Variants in USP50 observed in about 807,000 individuals in gnomAD.
USP50 encodes ubiquitin specific peptidase 50, also known as ubiquitin carboxyl-terminal hydrolase 50.
USP50 carries 37 observed loss-of-function variants against 39.2 expected under a neutral mutation model. The ratio of observed to expected loss-of-function variants is 0.94; its 90% CI spans 0.73 to 1.24. The LOEUF (loss-of-function observed/expected upper bound fraction) is 1.24. Among genes scored for constraint, USP50 ranks in the 50% most tolerant of loss-of-function variants. The pLI is 0.00. For missense variants in USP50, 374 were observed against 398.2 expected, an observed-to-expected ratio of 0.94 and a Z score of 0.52; for synonymous variants, 139 against 144.5, an observed-to-expected ratio of 0.96 and a Z score of 0.27.
At chr15:50,516,007 A>T (rs1490312723) in intron 6 of USP50, among the ~76,000 whole-genome samples, 1 of 152,228 alleles carries the variant, frequency 6.6e-6, no homozygotes, top group African/African-American at 2.4e-5. Context: ...TGACATCAAA[A>T]TCATAAAATG....
At chr15:50,513,390 T>C (rs770128177) in intron 6 of USP50, 1 of 151,924 alleles carries the variant, frequency 6.6e-6, no homozygotes, top group Admixed American at 6.6e-5. Flanking sequence ...AATATGGATA[T>C]ATCTTTAAAA....
intron 1 of USP50, among the ~76,000 whole-genome samples, chr15:50,495,490 G>T (rs1362165096): frequency 6.7e-6 from 1 of 149,188 alleles, no homozygotes; most frequent in East Asian, 2.0e-4. Context: ...GATTGGAGGG[G>T]GGGGTCTCAC....
chr15:50,540,491 C>T (rs918241195), intron 4 of USP50, among the ~76,000 whole-genome samples: 3 of 152,112 alleles, frequency 2.0e-5, no homozygotes, highest in Non-Finnish European at 4.4e-5. Flanking sequence ...ATAAACCCCA[C>T]TATATTTCCA....
chr15:50,528,076 T>G (rs2052912743), intron 6 of USP50, among the ~76,000 whole-genome samples: 2 of 151,150 alleles, frequency 1.3e-5, no homozygotes, highest in South Asian at 2.1e-4. Flanking sequence ...TTTTTTTTTT[T>G]TTTTTTTTTT....
At chr15:50,495,968 C>G (rs1387135959), downstream of USP50, 1 of 1,613,714 alleles carries the variant, frequency 6.2e-7, no homozygotes, top group African/African-American at 1.3e-5. Flanking sequence ...TGCACTTTTT[C>G]AGGGTCAATT....
chr15:50,525,695 ATG>A (rs1334378221), intron 6 of USP50, among the ~76,000 whole-genome samples: 1 of 94,968 alleles, frequency 1.1e-5, no homozygotes, highest in South Asian at 3.3e-4. Context: ...ATATATGTAT[ATG>A]TATATATATG....
intron 1 of USP50, 91 bp from the exon 2 acceptor site, chr15:50,544,872 A>G: frequency 8.0e-7 from 1 of 1,249,528 alleles, no homozygotes; most frequent in Non-Finnish European, 1.1e-6. Flanking sequence ...TGAAATAAAG[A>G]AGAGTTCTTA....
chr15:50,521,340 C>T (rs2052849036), intron 6 of USP50, among the ~76,000 whole-genome samples: 1 of 152,106 alleles, frequency 6.6e-6, no homozygotes, highest in African/African-American at 2.4e-5. Context: ...CCATGCCCAG[C>T]CAAAATATCC....
intron 6 of USP50, among the ~76,000 whole-genome samples, chr15:50,525,075 T>C (rs887303736): frequency 6.6e-6 from 1 of 152,186 alleles, no homozygotes; most frequent in East Asian, 1.9e-4. Flanking sequence ...CATGATATAT[T>C]TGGAATACTA....
In USP50 at chr15:50,541,118, G is replaced by T; in HGVS notation, c.591C>A (p.Cys197Ter). The change falls in exon 4 of 7, where the codon TGC (cysteine) becomes TGA (stop). Residue 197 changes from cysteine to a stop codon, truncating the protein, a stop_gained. Transcript: ENST00000532404. LOFTEE classifies it high-confidence loss of function. ...CAGTGAAGACTTCGTTCTTGTAGGT[G>T]CATTTCTCACACTTTAAACATACGA... Reference protein sequence around the residue: ...YSIVCLKCEKCTYKNEVFTVF... With the variant: ...YSIVCLKCEK 1 of 1,613,858 alleles carries T rather than the reference G, an allele frequency of 6.2e-7. No homozygotes were observed. The highest frequency in any genetic ancestry group is 1.3e-5 in the African/African-American group (1 of 75,014).
At chr15:50,496,032 C>T (rs966954805), downstream of USP50, 1 of 1,613,846 alleles carries the variant, frequency 6.2e-7, no homozygotes, top group Admixed American at 1.7e-5. Flanking sequence ...ACATTTGAGG[C>T]CTTCATGTAT....
At chr15:50,520,222 T>G (rs973180672) in intron 6 of USP50, among the ~76,000 whole-genome samples, 2 of 151,778 alleles carry the variant, frequency 1.3e-5, no homozygotes, top group African/African-American at 4.8e-5. Flanking sequence ...GGTGGGAGGA[T>G]CTCTTAAGCC....
chr15:50,541,277 G>A lies in USP50; in HGVS notation c.445-13C>T, dbSNP rs935838938. The A allele has an allele frequency of 1.9e-6, 3 of 1,599,406 alleles. No homozygotes were observed. The highest frequency in any genetic ancestry group is 2.6e-6 in the Non-Finnish European group (3 of 1,168,862). On this transcript the variant is annotated splice_polypyrimidine_tract_variant and intron_variant, in intron 3 of 6. Coordinates refer to ENST00000532404, the MANE Select transcript of USP50 (RefSeq NM_203494.5). ...GGGAGTAGTGGTACTGAATCAAGGA[G>A]CAAATTTCACCCAAATTAATTATTG... is the stretch of plus-strand genomic sequence containing the variant.
intron 6 of USP50, among the ~76,000 whole-genome samples, chr15:50,525,132 G>A (rs937130251): frequency 6.6e-6 from 1 of 152,138 alleles, no homozygotes; most frequent in African/African-American, 2.4e-5. Flanking sequence ...AGCATGGGTG[G>A]AACTGGAGGA....
chr15:50,542,166 C>A (rs1253827089), intron 3 of USP50, among the ~76,000 whole-genome samples: 2 of 152,058 alleles, frequency 1.3e-5, no homozygotes, highest in Non-Finnish European at 2.9e-5. Context: ...TGGGGCACAC[C>A]CTGAATTTTC....
At chr15:50,495,917 G>T, downstream of USP50, 1 of 1,613,792 alleles carries the variant, frequency 6.2e-7, no homozygotes, top group South Asian at 1.1e-5. Flanking sequence ...TGCAGAACAT[G>T]CCTGGCAGAA....
chr15:50,503,596 C>T (rs932724283), intron 6 of USP50: 3 of 152,192 alleles, frequency 2.0e-5, no homozygotes, highest in Admixed American at 6.5e-5. Flanking sequence ...AGCTTGGACT[C>T]ATGGTACAGA....
At position 50,500,571 on chromosome 15, in the gene USP50, A is replaced by C. The variant is rs753445508; in HGVS notation, c.*198T>G. On this transcript the variant is annotated 3_prime_UTR_variant, in exon 7 of 7. Transcript: ENST00000532404. ...ATGTTAATGATGCAAGTAAGTTCTA[A>C]GAGTTTAATGACCAAGCAAAACTCT... 4 of 529,816 alleles carry C rather than the reference A, an allele frequency of 7.5e-6. No homozygotes were observed. The highest frequency in any genetic ancestry group is 1.0e-5 in the Non-Finnish European group (3 of 292,862). The allele number at this position is 529,816 out of a possible 1,614,324, so 32.8% of individuals were successfully genotyped here.
At chr15:50,509,864 T>A (rs2141350481) in intron 6 of USP50, 1 of 152,182 alleles carries the variant, frequency 6.6e-6, no homozygotes, top group Admixed American at 6.5e-5. Context: ...CACACCTATA[T>A]TTTTTACAGA....
Sources: allele counts gnomAD v4.1 joint callset (sites outside exome capture counted in the v4.1 genomes callset), GRCh38; gene constraint gnomAD v4.1.1; transcripts MANE v1.5; gene names NCBI Gene and HGNC (gene_info 2026-07-23, HGNC 2026-07-21).